The following RARB variants were observed in gnomAD, a reference collection of about 807,000 sequenced individuals.
RARB encodes the protein retinoic acid receptor beta.
RARB carries 17 observed loss-of-function variants against 51.9 expected under a neutral mutation model. The observed-to-expected ratio is 0.33, with a 90% CI of 0.22 to 0.49. The LOEUF (loss-of-function observed/expected upper bound fraction) is 0.49. Ranked by LOEUF, RARB falls within the 20% of genes least tolerant of loss-of-function variation. The pLI is 0.99. For missense variants in RARB, 369 were observed against 550.8 expected, an observed-to-expected ratio of 0.67 and a Z score of 3.30; for synonymous variants, 215 against 195.4, an observed-to-expected ratio of 1.10 and a Z score of -0.84.
chr3:25,512,728 T>G (rs1464068402), intron 3 of RARB, among the ~76,000 whole-genome samples: 1 of 152,176 alleles, frequency 6.6e-6, no homozygotes, highest in African/African-American at 2.4e-5. Context: ...GGAGTGTGTG[T>G]GGGTCACTCT....
intron 1 of RARB, among the ~76,000 whole-genome samples, chr3:24,854,139 T>G (rs1329769957): frequency 6.6e-6 from 1 of 152,226 alleles, no homozygotes; most frequent in Non-Finnish European, 1.5e-5. Context: ...TGTACAGAGC[T>G]TACTGTGGGG....
chr3:24,863,797 C>T (rs1702799205), intron 2 of RARB, among the ~76,000 whole-genome samples: 1 of 151,792 alleles, frequency 6.6e-6, no homozygotes, highest in Non-Finnish European at 1.5e-5. Context: ...TGATAACCTC[C>T]TACTTCACTG....
At chr3:25,593,851 A>G in intron 6 of RARB, 144 bp downstream of exon 6, 2 of 744,498 alleles carry the variant, frequency 2.7e-6, no homozygotes, top group Non-Finnish European at 4.3e-6. Context: ...GCCTGGTTTC[A>G]TTGTATTTTT....
intron 5 of RARB, among the ~76,000 whole-genome samples, chr3:25,239,639 T>A (rs1222111649): frequency 6.6e-6 from 1 of 152,202 alleles, no homozygotes; most frequent in African/African-American, 2.4e-5. Flanking sequence ...CTGGGTCCTC[T>A]ATTCTGTTCC....
At chr3:24,964,725 T>G (rs1032946120) in intron 2 of RARB, among the ~76,000 whole-genome samples, 2 of 152,180 alleles carry the variant, frequency 1.3e-5, no homozygotes, top group African/African-American at 4.8e-5. Context: ...GAGGTATGTT[T>G]CAGAGATAGG....
chr3:25,190,960 C>A (rs1259320638), intron 5 of RARB, among the ~76,000 whole-genome samples: 1 of 152,056 alleles, frequency 6.6e-6, no homozygotes, highest in Non-Finnish European at 1.5e-5. Context: ...GATTGGTTTG[C>A]ATGGATCTGT....
chr3:25,155,554 C>G (rs1019855065), intron 4 of RARB, among the ~76,000 whole-genome samples: 1 of 152,210 alleles, frequency 6.6e-6, no homozygotes, highest in Non-Finnish European at 1.5e-5. Flanking sequence ...CTCTAACTCA[C>G]TAATATCATT....
At chr3:25,206,793 T>C (rs1559505592) in intron 5 of RARB, among the ~76,000 whole-genome samples, 1 of 152,196 alleles carries the variant, frequency 6.6e-6, no homozygotes, top group Non-Finnish European at 1.5e-5. Flanking sequence ...TTCCAAGAGA[T>C]TTCTCCAAAC....
intron 1 of RARB, among the ~76,000 whole-genome samples, chr3:24,848,434 T>C (rs540258453): frequency 6.6e-6 from 1 of 152,340 alleles, no homozygotes; most frequent in Non-Finnish European, 1.5e-5. Context: ...AATACAAAGA[T>C]AGGTGACTGC....
In RARB at chr3:25,577,120, A is replaced by G. The variant is rs557886534; in HGVS notation, c.610-3426A>G. Among the ~76,000 whole-genome samples, 3 of 152,330 alleles carry G rather than the reference A, an allele frequency of 2.0e-5. No individual in the cohort carries two copies. The South Asian group carries it at 6.2e-4, about 32-fold the overall frequency. Reference sequence around the variant, plus strand: ...AGAAAGTAGAAATATGTGAGGAACCAGTAGGGAGGGGGTGACGTGGTGCAC... The same window carrying G: ...AGAAAGTAGAAATATGTGAGGAACCGGTAGGGAGGGGGTGACGTGGTGCAC... On this transcript the variant is annotated intron_variant, in intron 4 of 7. Transcript: ENST00000330688.
intron 5 of RARB, among the ~76,000 whole-genome samples, chr3:25,263,590 A>G (rs1329427645): frequency 1.3e-5 from 2 of 152,108 alleles, no homozygotes; most frequent in African/African-American, 4.8e-5. Context: ...CAGCCAGCCA[A>G]CCTCTAACAC....
intron 4 of RARB, among the ~76,000 whole-genome samples, chr3:25,134,962 A>G (rs1700010389): frequency 6.6e-6 from 1 of 151,972 alleles, no homozygotes; most frequent in East Asian, 1.9e-4. Context: ...ATTAAACGCT[A>G]CTTATGATGC....
chr3:25,087,653 T>C (rs1255372547), intron 3 of RARB, among the ~76,000 whole-genome samples: 1 of 152,140 alleles, frequency 6.6e-6, no homozygotes, highest in Non-Finnish European at 1.5e-5. Flanking sequence ...AGTAGTGTTA[T>C]AATAGTAATG....
At chr3:25,061,861 A>C (rs1008585107) in intron 3 of RARB, among the ~76,000 whole-genome samples, 2 of 151,860 alleles carry the variant, frequency 1.3e-5, no homozygotes, top group African/African-American at 2.4e-5. Flanking sequence ...CCAACTTAGT[A>C]ACACAGCATA....
chr3:24,898,601 G>A (rs1003192827), intron 2 of RARB, among the ~76,000 whole-genome samples: 2 of 152,072 alleles, frequency 1.3e-5, no homozygotes, highest in African/African-American at 4.8e-5. Context: ...TTTTATTTTG[G>A]TAAGGATTTG....
intron 3 of RARB, among the ~76,000 whole-genome samples, chr3:25,560,170 TC>T (rs1700215786): frequency 6.6e-6 from 1 of 152,336 alleles, no homozygotes; most frequent in South Asian, 2.1e-4. Context: ...ATTCTGAAGA[TC>T]CTTAGAAACT....
intron 5 of RARB, among the ~76,000 whole-genome samples, chr3:25,339,530 C>G (rs11920003): frequency 2.6e-5 from 4 of 151,554 alleles, no homozygotes; most frequent in East Asian, 1.9e-4. Flanking sequence ...CTGCTGGAAT[C>G]GCAAATCGTT....
intron 4 of RARB, among the ~76,000 whole-genome samples, chr3:25,140,358 T>G (rs570435874): frequency 6.6e-6 from 1 of 152,280 alleles, no homozygotes; most frequent in South Asian, 2.1e-4. Flanking sequence ...TGGAAGAAGT[T>G]GATTCCAGCC....
At chr3:25,436,402 T>G (rs1255177310) in intron 1 of RARB, among the ~76,000 whole-genome samples, 1 of 152,262 alleles carries the variant, frequency 6.6e-6, no homozygotes, top group African/African-American at 2.4e-5. Context: ...GTTCTGGAAC[T>G]GTTTCATGTT....
Sources: gnomAD v4.1 joint callset for allele counts (sites outside exome capture counted in the v4.1 genomes callset) on GRCh38, gnomAD v4.1.1 for gene constraint, MANE v1.5 for transcripts, NCBI Gene and HGNC (gene_info 2026-07-23, HGNC 2026-07-21) for gene names.